PHTF2: variants seen among roughly 807,000 people sequenced by gnomAD.
PHTF2 encodes the protein protein PHTF2.
PHTF2 carries 60 observed loss-of-function variants against 101.2 expected under a neutral mutation model. That is an observed-to-expected ratio of 0.59 (90% CI 0.48 to 0.73). PHTF2 has a LOEUF of 0.73. Ranked by LOEUF, PHTF2 falls within the 30% of genes least tolerant of loss-of-function variation. PHTF2 has a pLI of 0.00. For synonymous variants in PHTF2, 311 were observed against 307.3 expected (o/e 1.01, Z -0.13); for missense variants, 747 against 908.7 (o/e 0.82, Z 2.29).
At chr7:77,954,612 G>GTATATATATA (rs66540211) in intron 19 of PHTF2, among the ~76,000 whole-genome samples, 218 of 90,136 alleles carry the variant, frequency 2.4e-3, no homozygotes, top group African/African-American at 5.2e-3. Flanking sequence ...CAAGTACTGT[G>GTATATATATA]TATATATATA....
chr7:77,806,788 T>G (rs966586371), intron 1 of PHTF2, among the ~76,000 whole-genome samples: 1 of 152,162 alleles, frequency 6.6e-6, no homozygotes, highest in African/African-American at 2.4e-5. Context: ...CTTTTTTGAC[T>G]TGCCTATAGC....
At chr7:77,887,583 T>A (rs1283996766) in intron 3 of PHTF2, among the ~76,000 whole-genome samples, 1 of 152,236 alleles carries the variant, frequency 6.6e-6, no homozygotes, top group African/African-American at 2.4e-5. Flanking sequence ...GGAATGGTGA[T>A]GGTCACAGTA....
At chr7:77,887,848 A>G (rs1308806304) in intron 3 of PHTF2, among the ~76,000 whole-genome samples, 2 of 152,234 alleles carry the variant, frequency 1.3e-5, no homozygotes, top group African/African-American at 2.4e-5. Context: ...AAGAACCTTG[A>G]TAAAGTTGCT....
intron 1 of PHTF2, among the ~76,000 whole-genome samples, chr7:77,810,519 A>G (rs575065829): frequency 6.6e-6 from 1 of 152,212 alleles, no homozygotes; most frequent in African/African-American, 2.4e-5. Flanking sequence ...GAGGCTGGTT[A>G]TTTTGTAGAG....
Position 77,844,031 on chromosome 7 carries a change from T to C in PHTF2, c.45+3731T>C, listed in dbSNP as rs181563493. Among the ~76,000 whole-genome samples the C allele has an allele frequency of 5.3e-5, 8 of 152,306 alleles. No individual in the cohort carries two copies. In the East Asian group the frequency reaches 1.2e-3, roughly 22 times the overall value. On this transcript the variant is annotated intron_variant, in intron 2 of 19. Coordinates refer to ENST00000416283, the Ensembl canonical transcript of PHTF2. ...TTTTATTTTTGAGGGAGGGTCTCACTTTGTCACCCAGGCTGAAGTGCAGTG... is the reference window on the plus strand; with the variant it reads ...TTTTATTTTTGAGGGAGGGTCTCACCTTGTCACCCAGGCTGAAGTGCAGTG...
At chr7:77,811,606 C>T (rs758591571) in intron 1 of PHTF2, among the ~76,000 whole-genome samples, 5 of 152,212 alleles carry the variant, frequency 3.3e-5, no homozygotes, top group East Asian at 3.8e-4. Flanking sequence ...TTATTCATAT[C>T]AGTATGGACT....
chr7:77,831,428 C>G (rs1486248600), intron 1 of PHTF2, among the ~76,000 whole-genome samples: 1 of 152,178 alleles, frequency 6.6e-6, no homozygotes, highest in Non-Finnish European at 1.5e-5. Context: ...GGCTGCAGTT[C>G]AGAAGGTGGC....
chr7:77,944,555 A>T (rs1805890197), intron 16 of PHTF2, among the ~76,000 whole-genome samples: 2 of 152,226 alleles, frequency 1.3e-5, no homozygotes, highest in African/African-American at 2.4e-5. Context: ...GATACCTGAC[A>T]GAAGCAAAAC....
At chr7:77,801,575 A>G (rs1209293872) in intron 1 of PHTF2, among the ~76,000 whole-genome samples, 3 of 152,206 alleles carry the variant, frequency 2.0e-5, no homozygotes, top group Admixed American at 1.3e-4. Context: ...ACAGAGCAAG[A>G]CACCGTCTCA....
At position 77,841,731 on chromosome 7, in the gene PHTF2, T is replaced by C. The variant is rs117994211; in HGVS notation, c.45+1431T>C. 1.9e-3 allele frequency among the ~76,000 whole-genome samples: 292 copies of C among 152,344 alleles called. 1 individual carries two copies. Among genetic ancestry groups the C allele is most frequent in the Middle Eastern group, 3.4e-3 (1 of 294 alleles). ...GATATTGATATACTATTAATTGTCT[T>C]TTGTGTTTGTTAGTGCCTCCTTTTA... On this transcript the variant is annotated intron_variant, in intron 2 of 19. Coordinates refer to ENST00000416283, the Ensembl canonical transcript of PHTF2.
chr7:77,940,772 TCAAAAAC>T, intron 15 of PHTF2, 113 bp downstream of exon 14: 1 of 682,916 alleles, frequency 1.5e-6, no homozygotes, highest in Admixed American at 3.0e-5. Flanking sequence ...TTTTACTCAT[TCAAAAAC>T]TGGATTAGGG....
At chr7:77,950,150 A>G (rs931110844) in intron 17 of PHTF2, among the ~76,000 whole-genome samples, 9 of 152,102 alleles carry the variant, frequency 5.9e-5, no homozygotes, top group Non-Finnish European at 1.3e-4. Context: ...GTAAGTATAC[A>G]TTTTTACTCA....
chr7:77,919,554 T>C (rs980303034), intron 9 of PHTF2, among the ~76,000 whole-genome samples: 63 of 152,184 alleles, frequency 4.1e-4, no homozygotes, highest in African/African-American at 1.4e-3. Flanking sequence ...TGAAGAGGAC[T>C]CCTCAAGTGT....
At chr7:77,927,202 A>ACG in intron 11 of PHTF2, among the ~76,000 whole-genome samples, 1 of 113,676 alleles carries the variant, frequency 8.8e-6, no homozygotes, top group Non-Finnish European at 1.8e-5. Context: ...ATATACATAC[A>ACG]CACACACACA....
chr7:77,931,670 A>G (rs1266226731), intron 12 of PHTF2, among the ~76,000 whole-genome samples: 1 of 152,190 alleles, frequency 6.6e-6, no homozygotes, highest in African/African-American at 2.4e-5. Context: ...AGTAAAGTTG[A>G]AGTTCTATAT....
At chr7:77,830,170 C>A (rs915255545) in intron 1 of PHTF2, among the ~76,000 whole-genome samples, 3 of 152,142 alleles carry the variant, frequency 2.0e-5, no homozygotes, top group Non-Finnish European at 2.9e-5. Flanking sequence ...CAGATAAGTA[C>A]ACTAAAGTCT....
intron 3 of PHTF2, among the ~76,000 whole-genome samples, chr7:77,890,518 T>C (rs892536264): frequency 6.6e-6 from 1 of 152,124 alleles, no homozygotes; most frequent in African/African-American, 2.4e-5. Context: ...AAAATAGTTA[T>C]TAAAACATAT....
intron 15 of PHTF2, among the ~76,000 whole-genome samples, chr7:77,940,949 A>C (rs1485150291): frequency 1.3e-5 from 2 of 152,124 alleles, no homozygotes; most frequent in Admixed American, 6.5e-5. Context: ...TCATGTCATT[A>C]TTTTCCTTTA....
chr7:77,951,610 A>G lies in PHTF2; in HGVS notation c.2116-7A>G, dbSNP rs913422843. On this transcript the variant is annotated splice_region_variant and splice_polypyrimidine_tract_variant and intron_variant, in intron 17 of 19. Transcript: ENST00000416283. ...AATTTGAAGCATTTCTATTCTTTTT[A>G]TAAAAGATAAACCTCTACTTGAAAA... The G allele has an allele frequency of 7.7e-6, 9 of 1,175,276 alleles. No individual in the cohort carries two copies. In the Admixed American group the frequency reaches 1.1e-4, roughly 14 times the overall value. 72.8% of individuals were successfully genotyped at this position (1,175,276 alleles called of 1,614,324 possible). A position where few individuals can be genotyped will look rare whatever the true frequency, so the allele number is the denominator to read the frequency against.
Sources: allele counts gnomAD v4.1 joint callset (sites outside exome capture counted in the v4.1 genomes callset), GRCh38; gene constraint gnomAD v4.1.1; transcripts MANE v1.5; gene names NCBI Gene and HGNC (gene_info 2026-07-23, HGNC 2026-07-21).